HSPA12A: variants seen among roughly 807,000 people sequenced by gnomAD.
The protein encoded by HSPA12A is heat shock protein family A (Hsp70) member 12A.
HSPA12A carries 28 observed loss-of-function variants against 69.2 expected under a neutral mutation model. That is an observed-to-expected ratio of 0.40 (90% CI 0.30 to 0.55). The LOEUF (loss-of-function observed/expected upper bound fraction) is 0.55, where lower values mean the gene tolerates loss of function less well. Among genes scored for constraint, HSPA12A ranks in the 20% least tolerant of loss-of-function variants. The pLI, the probability that HSPA12A is intolerant of heterozygous loss-of-function variation, is 0.38. For missense variants in HSPA12A, 686 were observed against 900.7 expected (o/e 0.76, Z 3.05); for synonymous variants, 345 against 370.5 (o/e 0.93, Z 0.79).
intron 2 of HSPA12A, chr10:116,750,159 G>T (rs182394156): frequency 1.2e-4 from 74 of 613,252 alleles, no homozygotes; most frequent in African/African-American, 1.1e-3. Flanking sequence ...CCAAAACATG[G>T]TGTGAAGGTT....
intron 1 of HSPA12A, among the ~76,000 whole-genome samples, chr10:116,714,433 G>A (rs1441226340): frequency 6.6e-6 from 1 of 151,986 alleles, no homozygotes; most frequent in East Asian, 1.9e-4. Context: ...CTACCCCCAA[G>A]CCCTATCACT....
chr10:116,739,882 C>G lies in HSPA12A; in HGVS notation c.40+2548G>C, dbSNP rs143423010. The stretch of plus-strand genomic sequence containing the variant: ...ATTGGCACGCACCTCTGCCCACTCC[C>G]CACCCCACCCCAACTGCACTTGTTG... On this transcript the variant is annotated intron_variant, in intron 1 of 11. Coordinates refer to ENST00000369209, the MANE Select transcript of HSPA12A (RefSeq NM_025015.3). Among the ~76,000 whole-genome samples the G allele has an allele frequency of 6.6e-3, 1,002 of 152,210 alleles. 6 individuals carry two copies. The highest frequency in any genetic ancestry group is 0.01 in the Middle Eastern group (3 of 294).
intron 9 of HSPA12A, among the ~76,000 whole-genome samples, chr10:116,680,884 G>A (rs1188356624): frequency 2.0e-5 from 3 of 152,190 alleles, no homozygotes; most frequent in Non-Finnish European, 2.9e-5. Flanking sequence ...TCATCCTTTC[G>A]GAATTTTCAG....
chr10:116,749,695 A>G (rs892489685), intron 2 of HSPA12A, among the ~76,000 whole-genome samples: 3 of 152,218 alleles, frequency 2.0e-5, no homozygotes, highest in South Asian at 4.1e-4. Context: ...CGCTTGACTC[A>G]TGTAGCGGCA....
intron 1 of HSPA12A, among the ~76,000 whole-genome samples, chr10:116,726,054 C>CACA (rs781871627): frequency 1.5e-3 from 212 of 144,922 alleles, no homozygotes; most frequent in South Asian, 3.3e-3. Flanking sequence ...CACACACACA[C>CACA]AACAGGCCAA....
Position 116,697,415 on chromosome 10 carries a change from A to G in HSPA12A, c.546+1220T>C, listed in dbSNP as rs1209561581. On this transcript the variant is annotated intron_variant, in intron 5 of 11. Coordinates refer to ENST00000369209, the MANE Select transcript of HSPA12A (RefSeq NM_025015.3). ...TTGTGGGGGCGACCCAAGGGGGCTCACGCTATTAGCTTCTTCCATGGGGTC... is the reference window on the plus strand; with the variant it reads ...TTGTGGGGGCGACCCAAGGGGGCTCGCGCTATTAGCTTCTTCCATGGGGTC... Among the ~76,000 whole-genome samples the G allele has an allele frequency of 2.1e-5, 3 of 140,810 alleles. No homozygotes were observed. In the East Asian group the frequency reaches 7.0e-4, roughly 33 times the overall value. 92.4% of individuals were successfully genotyped at this position (140,810 alleles called of 152,430 possible).
intron 2 of HSPA12A, among the ~76,000 whole-genome samples, chr10:116,806,216 T>C (rs1845064243): frequency 6.6e-6 from 1 of 152,096 alleles, no homozygotes; most frequent in African/African-American, 2.4e-5. Flanking sequence ...TATATATACA[T>C]TTTTGAGACT....
At chr10:116,834,664 T>C (rs1054118983) in intron 2 of HSPA12A, among the ~76,000 whole-genome samples, 2 of 152,178 alleles carry the variant, frequency 1.3e-5, no homozygotes, top group African/African-American at 4.8e-5. Flanking sequence ...CGTGTGAGTG[T>C]GGCCAGCGAT....
chr10:116,712,471 A>G (rs528885104), intron 1 of HSPA12A, among the ~76,000 whole-genome samples: 1 of 152,336 alleles, frequency 6.6e-6, no homozygotes, highest in African/African-American at 2.4e-5. Context: ...GTTAATCCTC[A>G]TCGCTGGTCT....
chr10:116,836,006 A>G (rs1845702703), intron 1 of HSPA12A, among the ~76,000 whole-genome samples: 1 of 152,196 alleles, frequency 6.6e-6, no homozygotes. Flanking sequence ...ACGGCTCATC[A>G]TGATGGGGCA....
chr10:116,711,665 TTC>T (rs1491400364), intron 1 of HSPA12A, among the ~76,000 whole-genome samples: 5 of 28,236 alleles, frequency 1.8e-4, no homozygotes, highest in Non-Finnish European at 3.1e-4. Context: ...TTCTTTTTTT[TTC>T]TTTTTTTTTT....
At chr10:116,801,926 C>G (rs1482194318) in intron 2 of HSPA12A, among the ~76,000 whole-genome samples, 1 of 152,028 alleles carries the variant, frequency 6.6e-6, no homozygotes, top group Non-Finnish European at 1.5e-5. Context: ...AAGTGTACAA[C>G]CAATGGCTGT....
chr10:116,795,961 A>G (rs917389743), intron 2 of HSPA12A, among the ~76,000 whole-genome samples: 2 of 151,024 alleles, frequency 1.3e-5, no homozygotes, highest in African/African-American at 4.9e-5. Context: ...CCGGGCTAAC[A>G]TGGTGAAACC....
intron 2 of HSPA12A, chr10:116,831,725 G>T (rs189682646): frequency 6.6e-6 from 1 of 152,250 alleles, no homozygotes. Flanking sequence ...GTCTTCAAAA[G>T]GTTTTTGTTT....
intron 2 of HSPA12A, among the ~76,000 whole-genome samples, chr10:116,781,208 G>A (rs1322256470): frequency 6.6e-6 from 1 of 152,106 alleles, no homozygotes; most frequent in Non-Finnish European, 1.5e-5. Flanking sequence ...GTTGAGCCAG[G>A]AAGATCTCTT....
chr10:116,767,981 G>C (rs1345622183), intron 2 of HSPA12A, among the ~76,000 whole-genome samples: 2 of 152,006 alleles, frequency 1.3e-5, no homozygotes, highest in East Asian at 3.9e-4. Context: ...TTATCAAATG[G>C]CCCCCCAAGT....
chr10:116,754,734 G>T (rs570934157), intron 2 of HSPA12A, among the ~76,000 whole-genome samples: 2 of 152,196 alleles, frequency 1.3e-5, no homozygotes, highest in South Asian at 4.2e-4. Flanking sequence ...GTGTGTATAT[G>T]GTTAAACACT....
intron 2 of HSPA12A, among the ~76,000 whole-genome samples, chr10:116,754,992 C>T (rs987821763): frequency 6.6e-6 from 1 of 151,962 alleles, no homozygotes; most frequent in Non-Finnish European, 1.5e-5. Context: ...CTCACTCTGT[C>T]GCCCAGGCTG....
At chr10:116,788,148 T>C (rs1844618403) in intron 2 of HSPA12A, among the ~76,000 whole-genome samples, 2 of 152,278 alleles carry the variant, frequency 1.3e-5, no homozygotes, top group South Asian at 2.1e-4. Context: ...CTGTCTCTAC[T>C]CTGGCCGAGC....
Sources: allele counts gnomAD v4.1 joint callset (sites outside exome capture counted in the v4.1 genomes callset), GRCh38; gene constraint gnomAD v4.1.1; transcripts MANE v1.5; gene names NCBI Gene and HGNC (gene_info 2026-07-23, HGNC 2026-07-21).